The following PLCE1 variants were observed in gnomAD, a reference collection of about 807,000 sequenced individuals.
PLCE1 encodes the protein 1-phosphatidylinositol 4,5-bisphosphate phosphodiesterase epsilon-1.
Under a neutral mutation model 242.8 loss-of-function variants are expected in PLCE1, and 119 were observed. The ratio of observed to expected loss-of-function variants is 0.49; its 90% CI spans 0.42 to 0.57. The LOEUF (loss-of-function observed/expected upper bound fraction) is 0.57, where lower values mean the gene tolerates loss of function less well. Among genes scored for constraint, PLCE1 ranks in the 20% least tolerant of loss-of-function variants. The pLI is 0.00. For synonymous variants in PLCE1, 945 were observed against 1,017.4 expected, an observed-to-expected ratio of 0.93 and a Z score of 1.35; for missense variants, 2,441 against 2,788.8, an observed-to-expected ratio of 0.88 and a Z score of 2.81.
chr10:94,205,403 G>T (rs967881498), intron 4 of PLCE1, among the ~76,000 whole-genome samples: 2 of 152,220 alleles, frequency 1.3e-5, no homozygotes, highest in Non-Finnish European at 2.9e-5. Context: ...CCAAAGACTG[G>T]TGGAGGTGGG....
chr10:94,318,551 A>G (rs189456989), intron 29 of PLCE1, among the ~76,000 whole-genome samples: 43 of 152,300 alleles, frequency 2.8e-4, no homozygotes, highest in Non-Finnish European at 4.4e-4. Flanking sequence ...ACTCAAGTCT[A>G]TGGCTTCCAG....
At chr10:94,110,300 G>A (rs2045914973) in intron 2 of PLCE1, among the ~76,000 whole-genome samples, 1 of 151,930 alleles carries the variant, frequency 6.6e-6, no homozygotes, top group African/African-American at 2.4e-5. Flanking sequence ...CTGACCTCGT[G>A]ATCCGCCTGC....
At chr10:94,240,698 T>A (rs2050476421) in intron 7 of PLCE1, among the ~76,000 whole-genome samples, 1 of 152,176 alleles carries the variant, frequency 6.6e-6, no homozygotes, top group African/African-American at 2.4e-5. Context: ...GATCACCCAA[T>A]GTAAAATTTT....
At chr10:94,238,238 T>C (rs1472076181) in intron 7 of PLCE1, among the ~76,000 whole-genome samples, 1 of 152,214 alleles carries the variant, frequency 6.6e-6, no homozygotes, top group Non-Finnish European at 1.5e-5. Flanking sequence ...CTGGGCAACA[T>C]GGTGAAACCT....
Position 94,171,295 on chromosome 10 carries a change from C to T in PLCE1, c.1608C>T (p.Ala536=). 1 of 1,614,198 alleles carries T rather than the reference C, an allele frequency of 6.2e-7. No individual in the cohort carries two copies. Among genetic ancestry groups the T allele is most frequent in the Non-Finnish European group, 8.5e-7 (1 of 1,180,034 alleles). ...QPLIQFPEEV[A]SILMEQEQTI... Reference sequence around the variant, plus strand: ...TCATCCAGTTCCCAGAGGAAGTCGCCAGCATCCTGATGGAGCAAGAGCAGA... The same window carrying T: ...TCATCCAGTTCCCAGAGGAAGTCGCTAGCATCCTGATGGAGCAAGAGCAGA... Residue 536 remains alanine, a synonymous_variant, in exon 4 of 33, where the codon GCC becomes GCT. Transcript: ENST00000371380.
rs1174864242 is a variant in PLCE1 at position 94,330,813 on chromosome 10, T to C, written c.*2870T>C. 2 of 152,234 alleles carry C rather than the reference T, an allele frequency of 1.3e-5. No homozygotes were observed. Among genetic ancestry groups the C allele is most frequent in the African/African-American group, 2.4e-5 (1 of 41,462 alleles). The allele number at this position is 152,234 out of a possible 1,614,324, so 9.4% of individuals were successfully genotyped here. A position where few individuals can be genotyped will look rare whatever the true frequency, so the allele number is the denominator to read the frequency against. On this transcript the variant is annotated 3_prime_UTR_variant, in exon 33 of 33. Coordinates refer to ENST00000371380, the MANE Select transcript of PLCE1 (RefSeq NM_016341.4). Reference sequence around the variant, plus strand: ...AGCTTTCTGAATTAAACAGCTATATTATGCCAAGTGAAAGAAATTATCCTA... The same window carrying C: ...AGCTTTCTGAATTAAACAGCTATATCATGCCAAGTGAAAGAAATTATCCTA...
chr10:94,308,601 C>A lies in PLCE1; in HGVS notation c.5905C>A (p.Arg1969=), dbSNP rs770255322. 2 of 1,611,152 alleles carry A rather than the reference C, an allele frequency of 1.2e-6. No homozygotes were observed. The highest frequency in any genetic ancestry group is 1.3e-5 in the African/African-American group (1 of 74,884). Residue 1969 remains arginine, a synonymous_variant, in exon 27 of 33, where the codon CGA becomes AGA. Transcript: ENST00000371380. ...TCCAGGATATCGACATCTTCAGCTGCGAAACCTTCACAATGAAGTCTTGGA... is the reference window on the plus strand; with the variant it reads ...TCCAGGATATCGACATCTTCAGCTGAGAAACCTTCACAATGAAGTCTTGGA... ...LKRGYRHLQL[R]NLHNEVLEIS...
chr10:94,331,045 G>A lies in PLCE1; in HGVS notation c.*3102G>A, dbSNP rs963627354. 6.6e-6 allele frequency: 1 copy of A among 152,202 alleles called. No homozygotes were observed. Among genetic ancestry groups the A allele is most frequent in the Admixed American group, 6.5e-5 (1 of 15,282 alleles). The allele number at this position is 152,202 out of a possible 1,614,324, so 9.4% of individuals were successfully genotyped here. A position where few individuals can be genotyped will look rare whatever the true frequency, so the allele number is the denominator to read the frequency against. ...TCTATTCAGTGATGCCAAATCTGTA[G>A]GAATGATCCTATCTGGGTAGAAAGT... On this transcript the variant is annotated 3_prime_UTR_variant, in exon 33 of 33. Transcript: ENST00000371380.
intron 3 of PLCE1, among the ~76,000 whole-genome samples, chr10:94,136,475 T>A (rs2046778091): frequency 6.6e-6 from 1 of 152,154 alleles, no homozygotes; most frequent in African/African-American, 2.4e-5. Flanking sequence ...CTCCCTAGTC[T>A]ATTAGGATGT....
At chr10:94,177,504 C>T (rs1030152594) in intron 4 of PLCE1, among the ~76,000 whole-genome samples, 4 of 152,166 alleles carry the variant, frequency 2.6e-5, no homozygotes, top group Admixed American at 6.5e-5. Context: ...CAGGTCTTCC[C>T]GAACTTTCTT....
chr10:94,048,993 A>G (rs1358652142), intron 2 of PLCE1, among the ~76,000 whole-genome samples: 1 of 151,762 alleles, frequency 6.6e-6, no homozygotes, highest in Non-Finnish European at 1.5e-5. Flanking sequence ...TGAACTCCTG[A>G]GCTCAAGCTA....
chr10:93,998,679 T>C (rs2060875958), intron 1 of PLCE1, among the ~76,000 whole-genome samples: 1 of 152,108 alleles, frequency 6.6e-6, no homozygotes, highest in Admixed American at 6.6e-5. Flanking sequence ...TACTGTTTCT[T>C]CCCCCAGGGC....
chr10:94,269,200 C>T (rs952308736), intron 17 of PLCE1, among the ~76,000 whole-genome samples, 164 bp downstream of exon 17: 2 of 140,148 alleles, frequency 1.4e-5, no homozygotes, highest in South Asian at 4.7e-4. Context: ...CTCCGAGGTT[C>T]AAGAGATTCT....
intron 22 of PLCE1, among the ~76,000 whole-genome samples, chr10:94,288,827 T>A (rs556486277): frequency 6.6e-6 from 1 of 152,282 alleles, no homozygotes; most frequent in East Asian, 1.9e-4. Context: ...ACACACACTG[T>A]CATTTTCTCA....
At chr10:94,269,162 T>C (rs774546006) in intron 17 of PLCE1, 126 bp downstream of exon 17, 11 of 580,284 alleles carry the variant, frequency 1.9e-5, no homozygotes, top group Admixed American at 1.0e-4. Flanking sequence ...AGTAGAGTGG[T>C]ACCATCTTGG....
chr10:94,161,235 T>C (rs1482187890), intron 3 of PLCE1, among the ~76,000 whole-genome samples: 1 of 152,236 alleles, frequency 6.6e-6, no homozygotes, highest in Non-Finnish European at 1.5e-5. Flanking sequence ...CTTGAATCTA[T>C]GAATTACCTT....
At position 94,161,219 on chromosome 10, in the gene PLCE1, G is replaced by A. The variant is rs375729644; in HGVS notation, c.1493-9961G>A. ...AGAAAGTTATTGGTAGCTTGATGGG[G>A]ATGGCCTTGAATCTATGAATTACCT... is the stretch of plus-strand genomic sequence containing the variant. On this transcript the variant is annotated intron_variant, in intron 3 of 32. Transcript: ENST00000371380. 4.8e-4 allele frequency among the ~76,000 whole-genome samples: 73 copies of A among 152,304 alleles called. 1 individual carries two copies. In the East Asian group the frequency reaches 0.013, roughly 26 times the overall value.
chr10:94,137,485 A>T (rs78085856), intron 3 of PLCE1, among the ~76,000 whole-genome samples: 4 of 50,324 alleles, frequency 7.9e-5, no homozygotes, highest in East Asian at 4.3e-4. Flanking sequence ...AGTGATGACA[A>T]GAGGATTTTT....
At chr10:94,097,280 TA>T in intron 2 of PLCE1, among the ~76,000 whole-genome samples, 1 of 152,304 alleles carries the variant, frequency 6.6e-6, no homozygotes, top group South Asian at 2.1e-4. Flanking sequence ...CAGAGGCTCT[TA>T]AAGATTTGGT....
Sources: allele counts gnomAD v4.1 joint callset (sites outside exome capture counted in the v4.1 genomes callset), GRCh38; gene constraint gnomAD v4.1.1; transcripts MANE v1.5; gene names NCBI Gene and HGNC (gene_info 2026-07-23, HGNC 2026-07-21).